The following RNFT2 variants were observed in gnomAD, a reference collection of about 807,000 sequenced individuals.
The protein encoded by RNFT2 is ring finger protein, transmembrane 2.
RNFT2 carries 36 observed loss-of-function variants against 53.0 expected under a neutral mutation model. The observed-to-expected ratio is 0.68, with a 90% confidence interval of 0.52 to 0.90. The LOEUF (loss-of-function observed/expected upper bound fraction) is 0.90. Among genes scored for constraint, RNFT2 ranks in the 40% least tolerant of loss-of-function variants. The pLI is 0.00. For missense variants in RNFT2, 514 were observed against 585.6 expected, an observed-to-expected ratio of 0.88 and a Z score of 1.26; for synonymous variants, 260 against 253.2, an observed-to-expected ratio of 1.03 and a Z score of -0.26.
intron 7 of RNFT2, among the ~76,000 whole-genome samples, chr12:116,825,956 T>G (rs1876307109): frequency 6.6e-6 from 1 of 152,178 alleles, no homozygotes; most frequent in Non-Finnish European, 1.5e-5. Context: ...CAGGCAAAGC[T>G]GTATAAATAT....
chr12:116,755,775 A>ATACACATATACAT, intron 5 of RNFT2: 1 of 1,509,660 alleles, frequency 6.6e-7, no homozygotes, highest in Non-Finnish European at 9.1e-7. Context: ...CCTTTCTTAT[A>ATACACATATACAT]GATTCACATA....
intron 7 of RNFT2, among the ~76,000 whole-genome samples, chr12:116,796,136 C>T (rs151034388): frequency 0.019 from 2,839 of 152,016 alleles, 53 homozygotes; most frequent in South Asian, 0.074. Context: ...CTTGAACTCC[C>T]GACCTCAAGT....
chr12:116,839,774 AAGGG>A (rs368090730), intron 10 of RNFT2, among the ~76,000 whole-genome samples: 5 of 96,892 alleles, frequency 5.2e-5, no homozygotes, highest in East Asian at 3.3e-4. Context: ...GGAAGGAAGG[AAGGG>A]AGGGAGGGAG....
chr12:116,812,142 C>CA (rs1190069026), intron 7 of RNFT2, among the ~76,000 whole-genome samples: 1 of 152,164 alleles, frequency 6.6e-6, no homozygotes, highest in Non-Finnish European at 1.5e-5. Flanking sequence ...ACCCTGACTT[C>CA]AAGGGGCTGA....
At chr12:116,820,131 C>T (rs540380223) in intron 7 of RNFT2, among the ~76,000 whole-genome samples, 1 of 152,304 alleles carries the variant, frequency 6.6e-6, no homozygotes, top group Admixed American at 6.5e-5. Flanking sequence ...TACTGTGTCT[C>T]CCAGGCTGGA....
At chr12:116,841,808 TATATATATAAAAATATATATATATAA>T (rs1877285083) in intron 10 of RNFT2, among the ~76,000 whole-genome samples, 6 of 80,966 alleles carry the variant, frequency 7.4e-5, no homozygotes, top group South Asian at 3.5e-4. Flanking sequence ...TATATATAAA[TATATATATAAAAATATATATATATAA>T]ATATATATAT....
At chr12:116,752,183 C>G (rs1872281526) in intron 4 of RNFT2, among the ~76,000 whole-genome samples, 1 of 66,158 alleles carries the variant, frequency 1.5e-5, no homozygotes, top group African/African-American at 4.9e-5. Context: ...GACCCTATCT[C>G]TACTGAAAAA....
At chr12:116,746,843 G>C (rs937657709) in intron 3 of RNFT2, among the ~76,000 whole-genome samples, 1 of 152,124 alleles carries the variant, frequency 6.6e-6, no homozygotes, top group African/African-American at 2.4e-5. Flanking sequence ...GCTTTTAGTG[G>C]GATCGTGAAA....
intron 5 of RNFT2, among the ~76,000 whole-genome samples, chr12:116,756,889 T>C (rs1297762629): frequency 6.6e-6 from 1 of 152,194 alleles, no homozygotes; most frequent in Non-Finnish European, 1.5e-5. Context: ...TGTGGAATAA[T>C]GTTAAAAAGA....
Position 116,780,577 on chromosome 12 carries a change from G to C in RNFT2, c.882+1229G>C, listed in dbSNP as rs1015266476. Among the ~76,000 whole-genome samples, 12 of 151,630 alleles carry C rather than the reference G, an allele frequency of 7.9e-5. 1 individual carries two copies. The highest frequency in any genetic ancestry group is 1.3e-4 in the Admixed American group (2 of 15,204). On this transcript the variant is annotated intron_variant, in intron 7 of 10. Coordinates refer to ENST00000257575, the MANE Select transcript of RNFT2 (RefSeq NM_001382266.1). ...GCCCCAGGACCCCTGGTTTCTAGTT[G>C]AGCCAAAATCCTAGGCTGTTGAGGT...
chr12:116,752,593 T>C (rs913559052), intron 4 of RNFT2, among the ~76,000 whole-genome samples: 2 of 152,082 alleles, frequency 1.3e-5, no homozygotes, highest in East Asian at 3.9e-4. Flanking sequence ...AAAGAGTAAG[T>C]GCGACCAGGT....
chr12:116,794,004 G>A (rs1370755607), intron 7 of RNFT2, among the ~76,000 whole-genome samples: 5 of 152,144 alleles, frequency 3.3e-5, no homozygotes, highest in Admixed American at 6.6e-5. Context: ...TGTGGCTCAC[G>A]CCTGTAATCC....
At chr12:116,838,254 A>G (rs1877078951) in intron 10 of RNFT2, among the ~76,000 whole-genome samples, 1 of 152,196 alleles carries the variant, frequency 6.6e-6, no homozygotes, top group Non-Finnish European at 1.5e-5. Context: ...GAATGGGGAG[A>G]TCAATTGCAC....
chr12:116,835,300 T>TCTG (rs10651412), intron 8 of RNFT2, among the ~76,000 whole-genome samples: 3 of 151,818 alleles, frequency 2.0e-5, no homozygotes, highest in Non-Finnish European at 2.9e-5. Context: ...CAACCACACT[T>TCTG]CTACTGAATG....
At chr12:116,803,788 A>T (rs960195508) in intron 7 of RNFT2, among the ~76,000 whole-genome samples, 1 of 152,154 alleles carries the variant, frequency 6.6e-6, no homozygotes, top group Non-Finnish European at 1.5e-5. Flanking sequence ...TAGCAGGGGG[A>T]TGAGACCTCA....
At chr12:116,809,061 T>G (rs907860177) in intron 7 of RNFT2, among the ~76,000 whole-genome samples, 2 of 152,246 alleles carry the variant, frequency 1.3e-5, no homozygotes, top group African/African-American at 4.8e-5. Context: ...ATGGCTTTTT[T>G]GGTGCCCCTC....
intron 2 of RNFT2, 193 bp downstream of exon 2, chr12:116,740,714 G>T: frequency 1.5e-6 from 1 of 650,886 alleles, no homozygotes; most frequent in Non-Finnish European, 2.8e-6. Context: ...CATGTCTCCT[G>T]CCAGTCCGCT....
chr12:116,833,160 C>G (rs1876770232), intron 7 of RNFT2, among the ~76,000 whole-genome samples: 1 of 152,120 alleles, frequency 6.6e-6, no homozygotes. Flanking sequence ...CTTAAGTGAT[C>G]CACCTGCCTG....
chr12:116,834,566 C>A (rs766792296), intron 8 of RNFT2, among the ~76,000 whole-genome samples: 2 of 152,148 alleles, frequency 1.3e-5, no homozygotes, highest in Non-Finnish European at 2.9e-5. Context: ...ATTCTTCCAA[C>A]CTCCCCTTCC....
Sources: allele counts gnomAD v4.1 joint callset (sites outside exome capture counted in the v4.1 genomes callset), GRCh38; gene constraint gnomAD v4.1.1; transcripts MANE v1.5; gene names NCBI Gene and HGNC (gene_info 2026-07-23, HGNC 2026-07-21).